The following RBFOX1 variants were observed in gnomAD, a reference collection of about 807,000 sequenced individuals.
The protein encoded by RBFOX1 is RNA binding protein fox-1 homolog 1.
RBFOX1 carries 8 observed loss-of-function variants against 57.7 expected under a neutral mutation model. The ratio of observed to expected loss-of-function variants is 0.14; its 90% CI spans 0.08 to 0.25. The LOEUF is 0.25. Among genes scored for constraint, RBFOX1 ranks in the 10% least tolerant of loss-of-function variants. RBFOX1 has a pLI of 1.00. For synonymous variants in RBFOX1, 326 were observed against 222.4 expected (o/e 1.47, Z -4.15); for missense variants, 611 against 548.5 (o/e 1.11, Z -1.14).
At chr16:7,201,776 T>C (rs996905163) in intron 4 of RBFOX1, among the ~76,000 whole-genome samples, 4 of 152,152 alleles carry the variant, frequency 2.6e-5, no homozygotes, top group South Asian at 2.1e-4. Flanking sequence ...CTGATTCTTA[T>C]TTACAAAGCT....
At chr16:6,036,703 A>G (rs528960120) in intron 1 of RBFOX1, among the ~76,000 whole-genome samples, 11 of 152,292 alleles carry the variant, frequency 7.2e-5, no homozygotes, top group Non-Finnish European at 1.5e-4. Context: ...CACGTCTCCT[A>G]TTTCCTCTTC....
intron 2 of RBFOX1, among the ~76,000 whole-genome samples, chr16:6,544,192 G>A (rs4786101): frequency 0.17 from 25,279 of 152,134 alleles, 2,361 homozygotes; most frequent in East Asian, 0.38. Context: ...AGGCCCTGTT[G>A]AACAGGCATT....
intron 3 of RBFOX1, among the ~76,000 whole-genome samples, chr16:6,950,113 A>ATTTT (rs58222300): frequency 5.8e-5 from 7 of 120,924 alleles, no homozygotes; most frequent in African/African-American, 2.4e-4. Flanking sequence ...CGCAGAGGTA[A>ATTTT]TTTTTTTTTT....
chr16:6,574,036 T>G (rs1015623532), intron 2 of RBFOX1: 1 of 152,352 alleles, frequency 6.6e-6, no homozygotes, highest in Non-Finnish European at 1.5e-5. Context: ...CAGACAATTT[T>G]TCTCTCGCTC....
chr16:6,750,353 T>C (rs2074685847), intron 3 of RBFOX1, among the ~76,000 whole-genome samples: 1 of 152,190 alleles, frequency 6.6e-6, no homozygotes, highest in Non-Finnish European at 1.5e-5. Flanking sequence ...ATAGATGCCT[T>C]ATTATGGTAT....
In RBFOX1 at chr16:5,575,296, A is replaced by G. The variant is rs2046415494; in HGVS notation, c.259-23606A>G. ...ACCATTGATCATTATCGTCGTCATC[A>G]TCATCATTTTCATTATCATCATCAT... On this transcript the variant is annotated intron_variant, in intron 2 of 2. Coordinates refer to the RBFOX1 transcript ENST00000585867. Among the ~76,000 whole-genome samples the G allele has an allele frequency of 2.6e-5, 4 of 152,190 alleles. No individual in the cohort carries two copies. The South Asian group carries it at 6.2e-4, about 24-fold the overall frequency.
intron 2 of RBFOX1, among the ~76,000 whole-genome samples, chr16:6,505,068 G>T (rs142699823): frequency 2.6e-5 from 4 of 152,042 alleles, no homozygotes; most frequent in African/African-American, 7.2e-5. Flanking sequence ...GTGACACTCC[G>T]TCTCAATAAA....
chr16:6,358,426 G>C (rs1289306143), intron 2 of RBFOX1, among the ~76,000 whole-genome samples: 1 of 152,136 alleles, frequency 6.6e-6, no homozygotes, highest in Non-Finnish European at 1.5e-5. Context: ...ATTAGAAGTT[G>C]CCAGCTTCAA....
chr16:5,894,079 T>G (rs747136841), intron 4 of RBFOX1, among the ~76,000 whole-genome samples: 34 of 152,040 alleles, frequency 2.2e-4, no homozygotes, highest in Non-Finnish European at 4.1e-4. Flanking sequence ...ATGGTCATGG[T>G]GTGGGTGAGG....
At chr16:6,234,832 C>G (rs1054640650) in intron 1 of RBFOX1, among the ~76,000 whole-genome samples, 2 of 152,058 alleles carry the variant, frequency 1.3e-5, no homozygotes, top group Admixed American at 1.3e-4. Flanking sequence ...CACACACACA[C>G]ACAGGCACAC....
chr16:7,172,064 T>C (rs201520964), intron 4 of RBFOX1, among the ~76,000 whole-genome samples: 1 of 146,244 alleles, frequency 6.8e-6, no homozygotes, highest in African/African-American at 2.6e-5. Flanking sequence ...TTGGGCAATT[T>C]AGAAAAAAAT....
chr16:6,009,466 T>C (rs973418779), intron 4 of RBFOX1, among the ~76,000 whole-genome samples: 2 of 152,222 alleles, frequency 1.3e-5, no homozygotes, highest in African/African-American at 4.8e-5. Flanking sequence ...GTCCTAGTTA[T>C]GGCTCCAGGG....
At chr16:5,521,067 C>T (rs2043993692) in intron 2 of RBFOX1, among the ~76,000 whole-genome samples, 1 of 152,184 alleles carries the variant, frequency 6.6e-6, no homozygotes, top group African/African-American at 2.4e-5. Flanking sequence ...AGATACTGAA[C>T]CAGCCCCTAA....
At chr16:5,957,490 AC>A (rs1321896779) in intron 4 of RBFOX1, among the ~76,000 whole-genome samples, 4 of 152,040 alleles carry the variant, frequency 2.6e-5, no homozygotes, top group African/African-American at 9.7e-5. Flanking sequence ...CTCCCAAAGT[AC>A]TGGGATTACA....
chr16:6,510,613 C>A (rs1260609987), intron 2 of RBFOX1, among the ~76,000 whole-genome samples: 1 of 152,152 alleles, frequency 6.6e-6, no homozygotes, highest in Non-Finnish European at 1.5e-5. Flanking sequence ...GCGTATGCCT[C>A]CAGAGGCTCC....
intron 4 of RBFOX1, among the ~76,000 whole-genome samples, chr16:7,272,672 A>T (rs2095347891): frequency 6.6e-6 from 1 of 151,026 alleles, no homozygotes; most frequent in African/African-American, 2.4e-5. Flanking sequence ...GAGAAGGGGG[A>T]GGGATGGAAG....
chr16:5,847,854 A>T (rs965916726), intron 3 of RBFOX1, among the ~76,000 whole-genome samples: 5 of 151,978 alleles, frequency 3.3e-5, no homozygotes, highest in African/African-American at 1.2e-4. Context: ...CAGAATCAAC[A>T]CCCAGACTAT....
intron 3 of RBFOX1, among the ~76,000 whole-genome samples, chr16:5,688,862 TC>T (rs1207525800): frequency 7.2e-5 from 11 of 152,232 alleles, no homozygotes; most frequent in Non-Finnish European, 1.5e-4. Flanking sequence ...GCCAGGACTC[TC>T]TTCTACTGCC....
rs139730125 is a variant in RBFOX1 at position 6,553,357 on chromosome 16, T to A, written c.-63-101246T>A. 9.8e-5 allele frequency among the ~76,000 whole-genome samples: 15 copies of A among 152,302 alleles called. No individual in the cohort carries two copies. In the East Asian group the frequency reaches 2.9e-3, roughly 29 times the overall value. ...TAGGCAGCAAATGCTGGGGATAATGTGTGGAGTGTATAGGACTATTCAGTG... is the reference window on the plus strand; with the variant it reads ...TAGGCAGCAAATGCTGGGGATAATGAGTGGAGTGTATAGGACTATTCAGTG... On this transcript the variant is annotated intron_variant, in intron 2 of 15. Coordinates refer to ENST00000550418, the MANE Select transcript of RBFOX1 (RefSeq NM_018723.4).
Sources: allele counts gnomAD v4.1 joint callset (sites outside exome capture counted in the v4.1 genomes callset), GRCh38; gene constraint gnomAD v4.1.1; transcripts MANE v1.5; gene names NCBI Gene and HGNC (gene_info 2026-07-23, HGNC 2026-07-21).